Variants in TMEM45A observed in about 807,000 individuals in gnomAD.
TMEM45A encodes the protein transmembrane protein 45A.
TMEM45A carries 25 observed loss-of-function variants against 32.0 expected under a neutral mutation model. That is an observed-to-expected ratio of 0.78 (90% CI 0.57 to 1.09). The LOEUF is 1.09. Among genes scored for constraint, TMEM45A ranks in the 50% least tolerant of loss-of-function variants. The probability of loss-of-function intolerance (pLI) is 0.00; values close to 1 mark genes in which losing one functional copy is unlikely to be tolerated. For missense variants in TMEM45A, 302 were observed against 325.0 expected (o/e 0.93, Z 0.54); for synonymous variants, 122 against 114.8 (o/e 1.06, Z -0.40).
At chr3:100,506,504 T>A (rs781376247) in intron 1 of TMEM45A, among the ~76,000 whole-genome samples, 7 of 152,114 alleles carry the variant, frequency 4.6e-5, no homozygotes, top group Non-Finnish European at 8.8e-5. Flanking sequence ...CCTTAAAGAG[T>A]CCAACAGTTT....
chr3:100,509,350 A>G (rs966101909), intron 1 of TMEM45A, among the ~76,000 whole-genome samples: 3 of 152,234 alleles, frequency 2.0e-5, no homozygotes, highest in African/African-American at 7.2e-5. Flanking sequence ...GTAAATTAGT[A>G]TAGCCATTAT....
At chr3:100,514,756 C>T (rs986395899) in intron 1 of TMEM45A, among the ~76,000 whole-genome samples, 12 of 152,164 alleles carry the variant, frequency 7.9e-5, no homozygotes, top group Admixed American at 7.2e-4. Flanking sequence ...CCAGAATCTA[C>T]AATGAACTCT....
At chr3:100,522,920 G>T (rs1281066285) in intron 1 of TMEM45A, among the ~76,000 whole-genome samples, 1 of 152,184 alleles carries the variant, frequency 6.6e-6, no homozygotes, top group Non-Finnish European at 1.5e-5. Context: ...CCAAGTTCCT[G>T]TGGTTGCGCC....
At chr3:100,511,770 T>G (rs1217001240) in intron 1 of TMEM45A, among the ~76,000 whole-genome samples, 4 of 151,914 alleles carry the variant, frequency 2.6e-5, no homozygotes, top group African/African-American at 9.7e-5. Context: ...AATAAAAGGA[T>G]GGAGGAAGAT....
chr3:100,499,824 C>T (rs1025695677), intron 1 of TMEM45A, among the ~76,000 whole-genome samples: 7 of 152,132 alleles, frequency 4.6e-5, no homozygotes, highest in East Asian at 1.9e-4. Context: ...TACCGTGAGC[C>T]GAGATTGTGC....
rs190192217 is a variant in TMEM45A at position 100,570,794 on chromosome 3, T to C, written c.734+1827T>C. The C allele has an allele frequency of 6.6e-5, 10 of 152,390 alleles. No individual in the cohort carries two copies. The East Asian group carries it at 1.9e-3, about 29-fold the overall frequency. The allele number at this position is 152,390 out of a possible 1,614,324, so 9.4% of individuals were successfully genotyped here. A position where few individuals can be genotyped will look rare whatever the true frequency, so the allele number is the denominator to read the frequency against. Reference sequence around the variant, plus strand: ...TATCCACTTATAGTACTCTGGATACTGGACACTCCATTTTTTATTTTCCAA... The same window carrying C: ...TATCCACTTATAGTACTCTGGATACCGGACACTCCATTTTTTATTTTCCAA... On this transcript the variant is annotated intron_variant, in intron 5 of 5. Coordinates refer to ENST00000323523, the MANE Select transcript of TMEM45A (RefSeq NM_018004.3).
At chr3:100,525,732 T>A (rs551648927) in intron 1 of TMEM45A, among the ~76,000 whole-genome samples, 1 of 152,136 alleles carries the variant, frequency 6.6e-6, no homozygotes, top group Non-Finnish European at 1.5e-5. Flanking sequence ...TCCCAAACAC[T>A]TGTGGTCAGC....
chr3:100,511,236 A>C (rs1453456444), intron 1 of TMEM45A, among the ~76,000 whole-genome samples: 1 of 152,180 alleles, frequency 6.6e-6, no homozygotes, highest in East Asian at 1.9e-4. Flanking sequence ...AGGTTGGGTT[A>C]CCCTCAAAGG....
chr3:100,561,517 C>T (rs1488548001), intron 4 of TMEM45A, among the ~76,000 whole-genome samples: 1 of 152,108 alleles, frequency 6.6e-6, no homozygotes, highest in Non-Finnish European at 1.5e-5. Flanking sequence ...AATTTCCCTT[C>T]CAACTTATTA....
At chr3:100,564,426 G>A (rs1286414869) in intron 4 of TMEM45A, among the ~76,000 whole-genome samples, 1 of 150,494 alleles carries the variant, frequency 6.6e-6, no homozygotes, top group Non-Finnish European at 1.5e-5. Flanking sequence ...TTTGTGTAAT[G>A]TTTCCTAATT....
rs191778510 is a variant in TMEM45A at position 100,517,331 on chromosome 3, T to C, written c.-4+24403T>C. 6.0e-3 allele frequency among the ~76,000 whole-genome samples: 916 copies of C among 152,322 alleles called. 3 individuals are homozygous for C. Among genetic ancestry groups the C allele is most frequent in the Non-Finnish European group, 0.01 (689 of 68,028 alleles). ...CAGGGTTTCGCCATTTTGGCCAGGC[T>C]GGTCTTGAACTCCCAAAGTGCTGGG... On this transcript the variant is annotated intron_variant, in intron 1 of 5. Coordinates refer to ENST00000323523, the MANE Select transcript of TMEM45A (RefSeq NM_018004.3).
At chr3:100,497,790 GT>G (rs1707950952) in intron 1 of TMEM45A, among the ~76,000 whole-genome samples, 2 of 152,196 alleles carry the variant, frequency 1.3e-5, no homozygotes, top group African/African-American at 4.8e-5. Flanking sequence ...ACCATCTTTT[GT>G]TTTTCCATTC....
chr3:100,519,970 C>T (rs1157840326), intron 1 of TMEM45A, among the ~76,000 whole-genome samples: 1 of 152,154 alleles, frequency 6.6e-6, no homozygotes, highest in African/African-American at 2.4e-5. Flanking sequence ...TTTATCCATC[C>T]TTCCCATCCA....
intron 4 of TMEM45A, among the ~76,000 whole-genome samples, chr3:100,559,244 A>G (rs907785764): frequency 1.3e-5 from 2 of 152,264 alleles, no homozygotes; most frequent in African/African-American, 2.4e-5. Context: ...TCCAACATGC[A>G]TACATATCTG....
chr3:100,576,962 G>A lies in TMEM45A; in HGVS notation c.772G>A (p.Glu258Lys), dbSNP rs756836677. ...TAGACTTAAGAGGCTCTGCTCCTCA[G>A]AAGTTGGACTTCTGAAAAATGCTGA... ...KSRLKRLCSS[E>K]VGLLKNAERE... is the part of the protein sequence containing the mutation. Residue 258 changes from glutamate to lysine, a missense_variant, in exon 6 of 6, where the codon GAA becomes AAA. Coordinates refer to ENST00000323523, the MANE Select transcript of TMEM45A (RefSeq NM_018004.3). The A allele has an allele frequency of 1.1e-5, 17 of 1,613,694 alleles. No homozygotes were observed. The highest frequency in any genetic ancestry group is 1.4e-5 in the Non-Finnish European group (17 of 1,179,908).
At chr3:100,493,102 T>G (rs1009659980) in intron 1 of TMEM45A, among the ~76,000 whole-genome samples, 174 bp downstream of exon 1, 1 of 149,302 alleles carries the variant, frequency 6.7e-6, no homozygotes, top group African/African-American at 2.5e-5. Flanking sequence ...TTTAATTTAA[T>G]TTTTTTGGTT....
At position 100,569,079 on chromosome 3, in the gene TMEM45A, T is replaced by G. The variant is rs1706503490; in HGVS notation, c.734+112T>G. ...GGGTATTTCATTCCTTATCATCCCA[T>G]AAGACAGGGTAGCATAGCAGAACAT... On this transcript the variant is annotated intron_variant, in intron 5 of 5. Transcript: ENST00000323523. 7.2e-6 allele frequency: 8 copies of G among 1,112,978 alleles called. No individual in the cohort carries two copies. The East Asian group carries it at 1.9e-4, about 27-fold the overall frequency. 68.9% of individuals were successfully genotyped at this position (1,112,978 alleles called of 1,614,324 possible).
intron 1 of TMEM45A, among the ~76,000 whole-genome samples, chr3:100,506,322 C>T (rs1708079793): frequency 2.0e-5 from 3 of 152,114 alleles, no homozygotes; most frequent in Admixed American, 2.0e-4. Flanking sequence ...GTTACTTAAG[C>T]TCATCCCAGA....
intron 2 of TMEM45A, 85 bp from the exon 3 acceptor site, chr3:100,556,675 G>T: frequency 1.6e-6 from 2 of 1,262,850 alleles, no homozygotes; most frequent in Admixed American, 4.0e-5. Context: ...CATTAGATTG[G>T]AATAAGCAAT....
Sources: allele counts gnomAD v4.1 joint callset (sites outside exome capture counted in the v4.1 genomes callset), GRCh38; gene constraint gnomAD v4.1.1; transcripts MANE v1.5; gene names NCBI Gene and HGNC (gene_info 2026-07-23, HGNC 2026-07-21).